RNF213: variants seen among roughly 807,000 people sequenced by gnomAD.
RNF213 encodes the protein ring finger protein 213.
A neutral mutation model predicts 514.4 loss-of-function variants in RNF213; 341 were observed. The observed-to-expected ratio is 0.66, with a 90% CI of 0.61 to 0.73. The LOEUF (loss-of-function observed/expected upper bound fraction) is 0.73, where lower values mean the gene tolerates loss of function less well. RNF213 is among the 30% of genes least tolerant of loss of function. The probability of loss-of-function intolerance (pLI) is 0.00; values close to 1 mark genes in which losing one functional copy is unlikely to be tolerated. For missense variants in RNF213, 5,767 were observed against 6,615.6 expected, an observed-to-expected ratio of 0.87 and a Z score of 4.45; for synonymous variants, 2,655 against 2,658.2, an observed-to-expected ratio of 1.00 and a Z score of 0.04.
chr17:80,346,344 G>T lies in RNF213; in HGVS notation c.8009G>T (p.Ser2670Ile). The T allele has an allele frequency of 6.2e-7, 1 of 1,613,778 alleles. No homozygotes were observed. Among genetic ancestry groups the T allele is most frequent in the Non-Finnish European group, 8.5e-7 (1 of 1,180,018 alleles). Residue 2670 changes from serine to isoleucine, a missense_variant, in exon 29 of 68, where the codon AGC (serine) becomes ATC (isoleucine). Around this residue, in one of 13 missense-constraint regions of RNF213, gnomAD observed 1,377 missense variants for 1,635.2 expected, o/e 0.84. Coordinates refer to ENST00000582970, the MANE Select transcript of RNF213 (RefSeq NM_001256071.3). The surrounding 1 kb of genome is among the most constrained non-coding windows in gnomAD (Gnocchi z 8.1). ...AQLNAFLSKS[S>I]VSKNHTERDP... The stretch of plus-strand genomic sequence containing the variant: ...CTGAATGCCTTTCTCTCCAAGTCCA[G>T]CGTCAGCAAAAATCACACCGAGAGA...
In RNF213 at chr17:80,393,638, G is replaced by GC; in HGVS notation, c.*141dup. 1 of 890,106 alleles carries GC rather than the reference G, an allele frequency of 1.1e-6. No individual in the cohort carries two copies. Among genetic ancestry groups the GC allele is most frequent in the Non-Finnish European group, 1.7e-6 (1 of 573,828 alleles). The allele number at this position is 890,106 out of a possible 1,614,324, so 55.1% of individuals were successfully genotyped here. A position where few individuals can be genotyped will look rare whatever the true frequency, so the allele number is the denominator to read the frequency against. On this transcript the variant is annotated 3_prime_UTR_variant, in exon 68 of 68. Transcript: ENST00000582970. ...GCGTAGCACCGAATTCAAGACCAAG[G>GC]CGTGCTACCTGAGCTGACAGCTTTT...
In RNF213 at chr17:80,264,149, T is replaced by C. The variant is rs951894162; in HGVS notation, c.97+371T>C. Among the ~76,000 whole-genome samples, 1 of 151,984 alleles carries C rather than the reference T, an allele frequency of 6.6e-6. No individual in the cohort carries two copies. Among genetic ancestry groups the C allele is most frequent in the Non-Finnish European group, 1.5e-5 (1 of 67,990 alleles). On this transcript the variant is annotated intron_variant, in intron 2 of 67. Coordinates refer to ENST00000582970, the MANE Select transcript of RNF213 (RefSeq NM_001256071.3). The surrounding 1 kb of genome is among the most constrained non-coding windows in gnomAD (Gnocchi z 5.0). ...GCTGGAGGTTCCTGCTTTTGAAAAT[T>C]TTCAGTTTCATTTCCTAGAGAGAGC...
In RNF213 at chr17:80,264,427, C is replaced by T. The variant is rs1415245542; in HGVS notation, c.97+649C>T. On this transcript the variant is annotated intron_variant, in intron 2 of 67. Coordinates refer to ENST00000582970, the MANE Select transcript of RNF213 (RefSeq NM_001256071.3). The surrounding 1 kb of genome is among the most constrained non-coding windows in gnomAD (Gnocchi z 5.0). ...GCCTTGCCTGCTGAGCATCTTGAGT[C>T]CATTCTCAATTTTGTTGGCTTCTGG... Among the ~76,000 whole-genome samples, 2 of 152,106 alleles carry T rather than the reference C, an allele frequency of 1.3e-5. No individual in the cohort carries two copies. Among genetic ancestry groups the T allele is most frequent in the Non-Finnish European group, 2.9e-5 (2 of 68,026 alleles).
intron 32 of RNF213, chr17:80,352,178 G>A: frequency 4.4e-6 from 1 of 225,896 alleles, no homozygotes; most frequent in East Asian, 1.1e-4. Context: ...TTTAAGTCAT[G>A]TTGGAACTGT....
In RNF213 at chr17:80,337,598, A is replaced by G. The variant is rs1487714137; in HGVS notation, c.4540A>G (p.Arg1514Gly). ...TTTGTCCCCATAGTGTGACTCCGCC[A>G]GGAACTTGGAATGGCTGAAGACTGT... ...YLPRKLCDSA[R>G]NLEWLKTVNE... Residue 1514 changes from arginine to glycine, a missense_variant, in exon 24 of 68, where the codon AGG becomes GGG. Physicochemically the swap from Arg to Gly is moderately radical, Grantham distance 125. Coordinates refer to ENST00000582970, the MANE Select transcript of RNF213 (RefSeq NM_001256071.3). 2.0e-6 allele frequency: 3 copies of G among 1,537,306 alleles called. No individual in the cohort carries two copies. The highest frequency in any genetic ancestry group is 2.0e-5 in the Admixed American group (1 of 51,008).
chr17:80,262,533 C>G (rs1172242625), intron 1 of RNF213, among the ~76,000 whole-genome samples: 1 of 152,126 alleles, frequency 6.6e-6, no homozygotes, highest in Middle Eastern at 3.2e-3. Context: ...TCCCTGGGAC[C>G]GTTCCTAGAT....
At chr17:80,297,913 G>A (rs528903280) in intron 10 of RNF213, among the ~76,000 whole-genome samples, 56 of 152,244 alleles carry the variant, frequency 3.7e-4, no homozygotes, top group Admixed American at 7.2e-4. Flanking sequence ...TCGCACCACC[G>A]CGCTGCCTTG....
intron 10 of RNF213, among the ~76,000 whole-genome samples, chr17:80,296,895 G>A: frequency 6.6e-6 from 1 of 151,590 alleles, no homozygotes; most frequent in Non-Finnish European, 1.5e-5. Flanking sequence ...TTGCCACGGT[G>A]GTCTTGAGCT....
chr17:80,318,279 C>T (rs76918788), intron 16 of RNF213, among the ~76,000 whole-genome samples: 40 of 152,280 alleles, frequency 2.6e-4, no homozygotes, highest in East Asian at 2.5e-3. Context: ...AGTAGGCACA[C>T]GGGGATAGAG....
Position 80,343,375 on chromosome 17 carries a change from C to T in RNF213, c.6183+50C>T. 7 of 1,471,846 alleles carry T rather than the reference C, an allele frequency of 4.8e-6. No individual in the cohort carries two copies. The highest frequency in any genetic ancestry group is 5.7e-6 in the Non-Finnish European group (6 of 1,061,662). The allele number at this position is 1,471,846 out of a possible 1,614,324, so 91.2% of individuals were successfully genotyped here. A position where few individuals can be genotyped will look rare whatever the true frequency, so the allele number is the denominator to read the frequency against. On this transcript the variant is annotated intron_variant, in intron 27 of 67. Transcript: ENST00000582970. The surrounding 1 kb of genome is among the most constrained non-coding windows in gnomAD (Gnocchi z 4.3). ...ATGGCCACATCAGTAAAGACGTGGT[C>T]CCCATGTCTCTGCGTGACTCCTCCC...
chr17:80,264,192 C>G lies in RNF213; in HGVS notation c.97+414C>G, dbSNP rs905974736. ...GAGAGAGCTCACGGTTTTTCTTCCC[C>G]TTGGGAATGAGAAGTGTCGGGCTGA... is the stretch of plus-strand genomic sequence containing the variant. On this transcript the variant is annotated intron_variant, in intron 2 of 67. Coordinates refer to ENST00000582970, the MANE Select transcript of RNF213 (RefSeq NM_001256071.3). The surrounding 1 kb of genome is among the most constrained non-coding windows in gnomAD (Gnocchi z 5.0). Among the ~76,000 whole-genome samples the G allele has an allele frequency of 1.3e-5, 2 of 152,196 alleles. No individual in the cohort carries two copies. The highest frequency in any genetic ancestry group is 4.8e-5 in the African/African-American group (2 of 41,450).
At chr17:80,290,320 T>TTCACGTGTGTGTGCGC (rs1337915164) in intron 6 of RNF213, among the ~76,000 whole-genome samples, 2 of 151,936 alleles carry the variant, frequency 1.3e-5, no homozygotes, top group Non-Finnish European at 2.9e-5. Context: ...TGCGTGTGCG[T>TTCACGTGTGTGTGCGC]TCACGTGTGT....
At chr17:80,298,259 A>G (rs1364751528) in intron 10 of RNF213, 62 bp from the exon 11 acceptor site, 15 of 1,564,442 alleles carry the variant, frequency 9.6e-6, no homozygotes, top group African/African-American at 1.4e-5. Context: ...GGGACTCCAG[A>G]CTCCCAGGGA....
rs1012503979 is a variant in RNF213, at chr17:80,287,885, C to T, written c.332C>T (p.Pro111Leu). 1.9e-6 allele frequency: 3 copies of T among 1,589,728 alleles called. No homozygotes were observed. Among genetic ancestry groups the T allele is most frequent in the South Asian group, 1.1e-5 (1 of 88,328 alleles). Reference sequence around the variant, plus strand: ...GCTTCCTCAGAGCTGGCTTCCTTGCCCCTTTCTCCTGCCAGCCCCTGTCAC... The same window carrying T: ...GCTTCCTCAGAGCTGGCTTCCTTGCTCCTTTCTCCTGCCAGCCCCTGTCAC... ...KSASSELASL[P>L]LSPASPCHLT... Residue 111 changes from proline to leucine, a missense_variant, in exon 4 of 68, where the codon CCC becomes CTC. Pro to Leu is a moderately conservative substitution (Grantham distance 98, BLOSUM62 -3). Transcript: ENST00000582970.
intron 2 of RNF213, among the ~76,000 whole-genome samples, chr17:80,268,063 C>A (rs1229350704): frequency 1.3e-5 from 2 of 152,008 alleles, no homozygotes; most frequent in Admixed American, 1.3e-4. Context: ...TCAAGTGATC[C>A]CCCTGCCTCT....
At position 80,339,680 on chromosome 17, in the gene RNF213, G is replaced by C. The variant is rs1163895719; in HGVS notation, c.5313G>C (p.Glu1771Asp). Residue 1771 changes from glutamate (E) to aspartate (D), a missense_variant, in exon 26 of 68, where the codon GAG (glutamate) becomes GAC (aspartate). Glu to Asp is a conservative substitution (Grantham distance 45). Transcript: ENST00000582970. ...AGCTCCCGCTGATGCTCTTATCAGA[G>C]TTCAGCCTGGTGGACAAGCTGAGGA... is the stretch of plus-strand genomic sequence containing the variant. ...MEELPLMLLS[E>D]FSLVDKLRII... 1 of 1,537,228 alleles carries C rather than the reference G, an allele frequency of 6.5e-7. No individual in the cohort carries two copies. Among genetic ancestry groups the C allele is most frequent in the African/African-American group, 1.4e-5 (1 of 73,160 alleles).
At position 80,340,222 on chromosome 17, in the gene RNF213, C is replaced by G; in HGVS notation, c.5855C>G (p.Pro1952Arg). The G allele has an allele frequency of 1.9e-6, 3 of 1,614,172 alleles. No individual in the cohort carries two copies. Among genetic ancestry groups the G allele is most frequent in the Non-Finnish European group, 2.5e-6 (3 of 1,180,016 alleles). ...AGCCAGCACAAGGTCTTCGTCACCC[C>G]CCAGGCACCCCTCGAGGCCATCCAA... is the stretch of plus-strand genomic sequence containing the variant. ...AFSQHKVFVT[P>R]QAPLEAIQAY... Residue 1952 changes from proline to arginine, a missense_variant, in exon 26 of 68, where the codon CCC becomes CGC. Pro to Arg is a moderately radical substitution (Grantham distance 103). Around this residue, in one of 13 missense-constraint regions of RNF213, gnomAD observed 1,377 missense variants for 1,635.2 expected, o/e 0.84. Transcript: ENST00000582970.
rs1334691423 is a variant in RNF213, at chr17:80,377,580, C to CA, written c.13511-180dup. 2 of 721,460 alleles carry CA rather than the reference C, an allele frequency of 2.8e-6. No homozygotes were observed. The highest frequency in any genetic ancestry group is 3.5e-5 in the African/African-American group (2 of 57,442). 44.7% of individuals were successfully genotyped at this position (721,460 alleles called of 1,614,324 possible). On this transcript the variant is annotated intron_variant, in intron 53 of 67. Transcript: ENST00000582970. This position sits in a 1 kb window ranked among gnomAD's most constrained non-coding sequence, Gnocchi z 4.1. ...ATTAGACTCAGACATTTTTCACTGACAACATACATTTATTAAGCTTCAGGC... is the reference window on the plus strand; with the variant it reads ...ATTAGACTCAGACATTTTTCACTGACAAACATACATTTATTAAGCTTCAGGC...
intron 29 of RNF213, 145 bp downstream of exon 29, chr17:80,348,431 G>A: frequency 2.5e-6 from 3 of 1,183,804 alleles, no homozygotes; most frequent in Admixed American, 1.8e-5. Context: ...TCCGCGGTAA[G>A]TGTGGGGAGT....
Sources: allele counts gnomAD v4.1 joint callset (sites outside exome capture counted in the v4.1 genomes callset), GRCh38; gene constraint gnomAD v4.1.1; regional missense constraint gnomAD v4.1.1; non-coding constraint Gnocchi (gnomAD v3.1); transcripts MANE v1.5; gene names NCBI Gene and HGNC (gene_info 2026-07-23, HGNC 2026-07-21).